RPTOR: variants seen among roughly 807,000 people sequenced by gnomAD.
RPTOR encodes regulatory associated protein of MTOR complex 1.
In RPTOR, 21 loss-of-function variants were observed where a neutral mutation model predicts 169.9. That is an observed-to-expected ratio of 0.12 (90% CI 0.09 to 0.18). The LOEUF (loss-of-function observed/expected upper bound fraction) is 0.18, where lower values mean the gene tolerates loss of function less well. Among genes scored for constraint, RPTOR ranks in the 10% least tolerant of loss-of-function variants. RPTOR has a pLI of 1.00. For synonymous variants in RPTOR, 732 were observed against 753.2 expected (o/e 0.97, Z 0.46); for missense variants, 1,133 against 1,855.9 (o/e 0.61, Z 7.16).
intron 1 of RPTOR, among the ~76,000 whole-genome samples, chr17:80,551,790 C>T (rs2084348758): frequency 6.6e-6 from 1 of 152,110 alleles, no homozygotes; most frequent in Admixed American, 6.5e-5. Flanking sequence ...TCAGGTCTTT[C>T]CCTTCCCACG....
At position 80,572,681 on chromosome 17, in the gene RPTOR, C is replaced by CA. The variant is rs2143315926; in HGVS notation, c.162+26891dup. 2.0e-5 allele frequency among the ~76,000 whole-genome samples: 3 copies of CA among 152,198 alleles called. No individual in the cohort carries two copies. In the South Asian group the frequency reaches 6.2e-4, roughly 32 times the overall value. On this transcript the variant is annotated intron_variant, in intron 1 of 33. Transcript: ENST00000306801. ...TCCAGGCTGCAGTGAGTCGAGATCG[C>CA]ACCAGCACACTCCAGCCTGGGTGAC...
At chr17:80,638,411 CTTTT>C (rs11399351) in intron 2 of RPTOR, among the ~76,000 whole-genome samples, 5 of 126,284 alleles carry the variant, frequency 4.0e-5, no homozygotes, top group Admixed American at 8.2e-5. Context: ...TTCTTCCTTT[CTTTT>C]TTTTTTTTTT....
chr17:80,903,945 A>T (rs2068508373), intron 20 of RPTOR, among the ~76,000 whole-genome samples: 1 of 152,256 alleles, frequency 6.6e-6, no homozygotes, highest in South Asian at 2.1e-4. Context: ...GGTGGTGAGA[A>T]AATGAACAAC....
In RPTOR at chr17:80,959,268, G is replaced by A. The variant is rs1043960417; in HGVS notation, c.3478-810G>A. Among the ~76,000 whole-genome samples the A allele has an allele frequency of 1.3e-5, 2 of 152,216 alleles. No homozygotes were observed. Among genetic ancestry groups the A allele is most frequent in the Non-Finnish European group, 2.9e-5 (2 of 68,022 alleles). On this transcript the variant is annotated intron_variant, in intron 29 of 33. Coordinates refer to ENST00000306801, the MANE Select transcript of RPTOR (RefSeq NM_020761.3). The surrounding 1 kb of genome is among the most constrained non-coding windows in gnomAD (Gnocchi z 6.7). ...CTGGAGCTGTGGCTCCACACGAGAC[G>A]TAGCCCTCAGGGCACAGCGTGGACA...
At chr17:80,964,141 G>T in intron 33 of RPTOR, 121 bp from the exon 34 acceptor site, 1 of 850,086 alleles carries the variant, frequency 1.2e-6, no homozygotes, top group Non-Finnish European at 1.9e-6. Context: ...TGAGGTGGGC[G>T]TGGGGGTTCC....
intron 17 of RPTOR, among the ~76,000 whole-genome samples, chr17:80,886,763 G>A (rs74699416): frequency 0.029 from 4,341 of 152,286 alleles, 185 homozygotes; most frequent in African/African-American, 0.092. Context: ...TGGAGATGTG[G>A]CCCGCGAGGA....
intron 9 of RPTOR, among the ~76,000 whole-genome samples, chr17:80,833,422 G>A (rs1454675496): frequency 6.6e-6 from 1 of 152,154 alleles, no homozygotes; most frequent in African/African-American, 2.4e-5. Context: ...CAGCTTGATC[G>A]CAGGCTGTGG....
At chr17:80,769,100 C>T (rs1309199938) in intron 6 of RPTOR, among the ~76,000 whole-genome samples, 2 of 152,138 alleles carry the variant, frequency 1.3e-5, no homozygotes, top group Non-Finnish European at 2.9e-5. Flanking sequence ...TGGAGGGTGG[C>T]ATGTGTCCCA....
intron 24 of RPTOR, among the ~76,000 whole-genome samples, chr17:80,929,673 C>T (rs946010295): frequency 6.6e-6 from 1 of 152,146 alleles, no homozygotes; most frequent in Non-Finnish European, 1.5e-5. Context: ...ATCAGATCTG[C>T]GGCTGTGCAG....
rs10048151 is a variant in RPTOR, at chr17:80,659,315, C to T, written c.348+15505C>T. On this transcript the variant is annotated intron_variant, in intron 3 of 33. Coordinates refer to ENST00000306801, the MANE Select transcript of RPTOR (RefSeq NM_020761.3). This position sits in a 1 kb window ranked among gnomAD's most constrained non-coding sequence, Gnocchi z 4.3. ...CTGAATCCAAGAAGGGTTAGGAATA[C>T]CTTAGCCAGTTTCTGTGGCTGCTTT... Among the ~76,000 whole-genome samples, 1,066 of 152,188 alleles carry T rather than the reference C, an allele frequency of 7.0e-3. 16 individuals are homozygous for T. Among genetic ancestry groups the T allele is most frequent in the African/African-American group, 0.024 (1,006 of 41,518 alleles).
intron 7 of RPTOR, among the ~76,000 whole-genome samples, chr17:80,817,847 G>A (rs901027178): frequency 3.9e-5 from 6 of 152,146 alleles, no homozygotes; most frequent in African/African-American, 1.2e-4. Context: ...TTGGCATTTC[G>A]GAGCTGGCCT....
chr17:80,605,854 A>G lies in RPTOR; in HGVS notation c.163-19837A>G, dbSNP rs974839287. Among the ~76,000 whole-genome samples, 3 of 152,106 alleles carry G rather than the reference A, an allele frequency of 2.0e-5. No homozygotes were observed. The East Asian group carries it at 5.8e-4, about 29-fold the overall frequency. Reference sequence around the variant, plus strand: ...GAGCTCTGAGTCAGACGGAGGGTGGATTTGCTCTTTGGGCACTGGTGTAGC... The same window carrying G: ...GAGCTCTGAGTCAGACGGAGGGTGGGTTTGCTCTTTGGGCACTGGTGTAGC... On this transcript the variant is annotated intron_variant, in intron 1 of 33. Transcript: ENST00000306801.
intron 6 of RPTOR, among the ~76,000 whole-genome samples, chr17:80,780,332 A>AGG (rs1337460683): frequency 6.6e-6 from 1 of 152,106 alleles, no homozygotes; most frequent in Non-Finnish European, 1.5e-5. Flanking sequence ...AGTTGGTAGG[A>AGG]GGGAGGGGTC....
At chr17:80,804,667 G>C (rs565184246) in intron 7 of RPTOR, 10 of 152,386 alleles carry the variant, frequency 6.6e-5, no homozygotes, top group African/African-American at 2.4e-4. Context: ...TAACTCACCT[G>C]CCCAAAGTCG....
At chr17:80,846,362 C>T (rs2067730282) in intron 10 of RPTOR, 111 bp from the exon 11 acceptor site, 4 of 1,064,098 alleles carry the variant, frequency 3.8e-6, no homozygotes, top group Admixed American at 1.9e-5. Flanking sequence ...CGCGGCCCTG[C>T]AGGGCGGGCC....
intron 4 of RPTOR, among the ~76,000 whole-genome samples, chr17:80,724,147 G>A (rs532143382): frequency 2.6e-4 from 40 of 151,428 alleles, no homozygotes; most frequent in Admixed American, 1.8e-3. Context: ...GCAAGCCCAA[G>A]CACTCTTCTC....
At chr17:80,607,053 G>T (rs988646041) in intron 1 of RPTOR, among the ~76,000 whole-genome samples, 1 of 152,182 alleles carries the variant, frequency 6.6e-6, no homozygotes, top group Non-Finnish European at 1.5e-5. Context: ...TAGCAGCTGA[G>T]TGTGAGGTGC....
intron 10 of RPTOR, among the ~76,000 whole-genome samples, chr17:80,838,529 G>C (rs534882174): frequency 6.6e-6 from 1 of 152,244 alleles, no homozygotes; most frequent in East Asian, 1.9e-4. Context: ...GGACCCCCTC[G>C]TGGTTTCTTA....
intron 3 of RPTOR, among the ~76,000 whole-genome samples, chr17:80,678,741 G>C (rs9674991): frequency 6.6e-6 from 1 of 152,140 alleles, no homozygotes. Flanking sequence ...AATGCATGAA[G>C]AAGGTGGAAG....
Sources: allele counts gnomAD v4.1 joint callset (sites outside exome capture counted in the v4.1 genomes callset), GRCh38; gene constraint gnomAD v4.1.1; non-coding constraint Gnocchi (gnomAD v3.1); transcripts MANE v1.5; gene names NCBI Gene and HGNC (gene_info 2026-07-23, HGNC 2026-07-21).